The following SEL1L2 variants were observed in gnomAD, a reference collection of about 807,000 sequenced individuals.
SEL1L2 encodes the protein protein sel-1 homolog 2.
Under a neutral mutation model 98.8 loss-of-function variants are expected in SEL1L2, and 89 were observed. That is an observed-to-expected ratio of 0.90 (90% confidence interval 0.76 to 1.07). The LOEUF (loss-of-function observed/expected upper bound fraction) is 1.07, where lower values mean the gene tolerates loss of function less well. SEL1L2 is among the 50% of genes least tolerant of loss of function. The pLI is 0.00. For synonymous variants in SEL1L2, 262 were observed against 278.5 expected (o/e 0.94, Z 0.59); for missense variants, 788 against 812.0 (o/e 0.97, Z 0.36).
At chr20:13,959,070 C>T (rs2050668786) in intron 1 of SEL1L2, among the ~76,000 whole-genome samples, 1 of 152,106 alleles carries the variant, frequency 6.6e-6, no homozygotes, top group Non-Finnish European at 1.5e-5. Context: ...TGCCAAAGAA[C>T]TTAACGTCGA....
chr20:13,936,172 G>T (rs1228753883), intron 2 of SEL1L2, among the ~76,000 whole-genome samples: 1 of 152,046 alleles, frequency 6.6e-6, no homozygotes, highest in African/African-American at 2.4e-5. Context: ...CCAAAATTAT[G>T]ACAGCGAGAA....
intron 1 of SEL1L2, among the ~76,000 whole-genome samples, chr20:13,973,703 A>T (rs144544144): frequency 3.3e-5 from 5 of 152,154 alleles, no homozygotes; most frequent in Non-Finnish European, 7.4e-5. Flanking sequence ...ACTTTATTAG[A>T]GTGGATTCTT....
chr20:13,937,197 C>A (rs775431207), intron 2 of SEL1L2, among the ~76,000 whole-genome samples: 2 of 152,214 alleles, frequency 1.3e-5, no homozygotes, highest in African/African-American at 4.8e-5. Context: ...CTGTGACCCA[C>A]GGTGATGGCC....
intron 1 of SEL1L2, among the ~76,000 whole-genome samples, chr20:13,989,026 T>C (rs911965375): frequency 3.9e-5 from 6 of 152,136 alleles, no homozygotes; most frequent in African/African-American, 9.6e-5. Context: ...AATAAATAAA[T>C]AAACAAATAA....
In SEL1L2 at chr20:13,931,668, T is replaced by C. The variant is rs374565193; in HGVS notation, c.218A>G (p.Asn73Ser). 5.5e-5 allele frequency: 85 copies of C among 1,535,116 alleles called. No individual in the cohort carries two copies. In the Middle Eastern group the frequency reaches 3.3e-3, roughly 60 times the overall value. ...KRENLLEKKKNQRKIRIKGIQ... is the reference protein window; with the variant it reads ...KRENLLEKKKSQRKIRIKGIQ... Reference sequence around the variant, plus strand: ...TCCTTTTATTCTTATTTTACGTTGATTCTTCTTTTTCTCCAGGAGATTTTC... The same window carrying C: ...TCCTTTTATTCTTATTTTACGTTGACTCTTCTTTTTCTCCAGGAGATTTTC... Residue 73 changes from asparagine to serine, a missense_variant, in exon 3 of 20, where the codon AAT becomes AGT. By Grantham distance (46) the Asn-to-Ser change is conservative. Coordinates refer to ENST00000284951, the MANE Select transcript of SEL1L2 (RefSeq NM_025229.2).
In SEL1L2 at chr20:13,983,987, C is replaced by G. The variant is rs1473668706; in HGVS notation, c.58+6490G>C. Reference sequence around the variant, plus strand: ...TCATTATGTCTCTACTTTCTCTCTTCATGTTCACTTTTACCAATTGAAATC... The same window carrying G: ...TCATTATGTCTCTACTTTCTCTCTTGATGTTCACTTTTACCAATTGAAATC... On this transcript the variant is annotated intron_variant, in intron 1 of 19. Transcript: ENST00000284951. Among the ~76,000 whole-genome samples, 5 of 150,868 alleles carry G rather than the reference C, an allele frequency of 3.3e-5. No homozygotes were observed. In the Admixed American group the frequency reaches 3.3e-4, roughly 10 times the overall value.
intron 4 of SEL1L2, among the ~76,000 whole-genome samples, chr20:13,918,081 G>A (rs917059862): frequency 2.0e-5 from 3 of 151,948 alleles, no homozygotes; most frequent in African/African-American, 7.3e-5. Context: ...ATGAGCCACC[G>A]TGCTTGGCTA....
chr20:13,861,863 G>C (rs1418493530), intron 17 of SEL1L2, among the ~76,000 whole-genome samples: 1 of 152,086 alleles, frequency 6.6e-6, no homozygotes. Context: ...CCCGTGGCTG[G>C]CTTCTCGTCA....
At chr20:13,895,826 T>C (rs1273101209) in intron 5 of SEL1L2, among the ~76,000 whole-genome samples, 3 of 152,216 alleles carry the variant, frequency 2.0e-5, no homozygotes, top group African/African-American at 7.2e-5. Flanking sequence ...CCAGATGACA[T>C]GATCTTACAC....
intron 14 of SEL1L2, among the ~76,000 whole-genome samples, chr20:13,867,331 T>C (rs564416392): frequency 1.3e-5 from 2 of 152,328 alleles, no homozygotes; most frequent in South Asian, 2.1e-4. Flanking sequence ...AGAGCAAGAA[T>C]AGGCACTTGA....
At chr20:13,891,079 G>T (rs1350699184) in intron 5 of SEL1L2, among the ~76,000 whole-genome samples, 1 of 151,892 alleles carries the variant, frequency 6.6e-6, no homozygotes, top group Non-Finnish European at 1.5e-5. Context: ...AGAGAGAAAG[G>T]GACAGAGAGG....
intron 1 of SEL1L2, among the ~76,000 whole-genome samples, chr20:13,967,303 C>G (rs916707761): frequency 4.6e-5 from 7 of 152,188 alleles, no homozygotes; most frequent in African/African-American, 1.7e-4. Flanking sequence ...CTGAACTTTA[C>G]TTTCTCTCTG....
intron 1 of SEL1L2, among the ~76,000 whole-genome samples, chr20:13,963,096 A>G (rs554514594): frequency 0.045 from 2,778 of 62,166 alleles, 31 homozygotes; most frequent in Non-Finnish European, 0.084. Context: ...GAAGAAGAAG[A>G]AAATATAAAA....
chr20:13,879,579 C>G (rs1187586323), intron 10 of SEL1L2, among the ~76,000 whole-genome samples: 1 of 152,128 alleles, frequency 6.6e-6, no homozygotes, highest in Non-Finnish European at 1.5e-5. Flanking sequence ...TCTTGAACTC[C>G]TGACCTCAGG....
chr20:13,985,943 A>G (rs1226346879), intron 1 of SEL1L2, among the ~76,000 whole-genome samples: 7 of 152,188 alleles, frequency 4.6e-5, no homozygotes, highest in Admixed American at 4.6e-4. Context: ...TTTGCTTAGC[A>G]TGTATTCAAG....
At chr20:13,861,783 T>C in intron 17 of SEL1L2, among the ~76,000 whole-genome samples, 1 of 152,160 alleles carries the variant, frequency 6.6e-6, no homozygotes, top group South Asian at 2.1e-4. Context: ...TCACCTGCCC[T>C]CTGCACAAGA....
chr20:13,972,590 A>C (rs2148513430), intron 1 of SEL1L2, among the ~76,000 whole-genome samples: 1 of 152,256 alleles, frequency 6.6e-6, no homozygotes, highest in Non-Finnish European at 1.5e-5. Flanking sequence ...GTAGGTGATA[A>C]ATTTTCTGAA....
At chr20:13,938,225 T>G (rs1481703732) in intron 2 of SEL1L2, among the ~76,000 whole-genome samples, 1 of 151,868 alleles carries the variant, frequency 6.6e-6, no homozygotes, top group East Asian at 1.9e-4. Flanking sequence ...GGATTACAGG[T>G]GCGCACCACC....
intron 12 of SEL1L2, among the ~76,000 whole-genome samples, chr20:13,870,821 G>C (rs2046152323): frequency 6.6e-6 from 1 of 151,182 alleles, no homozygotes; most frequent in African/African-American, 2.4e-5. Flanking sequence ...TACTTGGGAA[G>C]CTGAGGCAGG....
Sources: allele counts gnomAD v4.1 joint callset (sites outside exome capture counted in the v4.1 genomes callset), GRCh38; gene constraint gnomAD v4.1.1; transcripts MANE v1.5; gene names NCBI Gene and HGNC (gene_info 2026-07-23, HGNC 2026-07-21).